FAM20A: variants seen among roughly 807,000 people sequenced by gnomAD.
FAM20A encodes the protein pseudokinase FAM20A.
In FAM20A, 42 loss-of-function variants were observed where a neutral mutation model predicts 52.0. That is an observed-to-expected ratio of 0.81 (90% CI 0.63 to 1.04). FAM20A has a LOEUF of 1.04. FAM20A is among the 50% of genes least tolerant of loss of function. The pLI is 0.00. For synonymous variants in FAM20A, 304 were observed against 298.9 expected (o/e 1.02, Z -0.18); for missense variants, 742 against 712.7 (o/e 1.04, Z -0.47).
chr17:68,567,035 G>A (rs1241528691), intron 1 of FAM20A, among the ~76,000 whole-genome samples: 1 of 151,998 alleles, frequency 6.6e-6, no homozygotes, highest in Non-Finnish European at 1.5e-5. Flanking sequence ...GCCTTGCTTT[G>A]GATGTGATTG....
At chr17:68,555,856 C>T (rs1282284116) in intron 1 of FAM20A, 113 bp from the exon 2 acceptor site, 4 of 1,251,836 alleles carry the variant, frequency 3.2e-6, no homozygotes, top group Non-Finnish European at 3.5e-6. Flanking sequence ...GTGTATTAAG[C>T]ATCTAATGAG....
chr17:68,558,888 A>G (rs1378058113), intron 1 of FAM20A, among the ~76,000 whole-genome samples: 2 of 152,256 alleles, frequency 1.3e-5, no homozygotes, highest in African/African-American at 2.4e-5. Flanking sequence ...CCTTCTGAGT[A>G]GCTGGGATTA....
At chr17:68,549,494 CAA>C (rs34993560) in intron 4 of FAM20A, among the ~76,000 whole-genome samples, 6 of 126,916 alleles carry the variant, frequency 4.7e-5, no homozygotes, top group Non-Finnish European at 5.1e-5. Context: ...AACTCCATCT[CAA>C]AAAAAAAAAA....
intron 1 of FAM20A, among the ~76,000 whole-genome samples, chr17:68,592,536 A>G (rs2088342178): frequency 6.6e-6 from 1 of 152,192 alleles, no homozygotes; most frequent in African/African-American, 2.4e-5. Flanking sequence ...GGTGTTGACG[A>G]TTGAAGGTAA....
At chr17:68,579,824 C>T (rs533755591) in intron 1 of FAM20A, among the ~76,000 whole-genome samples, 4 of 152,178 alleles carry the variant, frequency 2.6e-5, no homozygotes, top group East Asian at 1.9e-4. Context: ...CTTTGGGAAG[C>T]GACGCAGATC....
chr17:68,579,236 T>C (rs745849107), intron 1 of FAM20A, among the ~76,000 whole-genome samples: 5 of 152,170 alleles, frequency 3.3e-5, no homozygotes, highest in African/African-American at 1.2e-4. Flanking sequence ...GAAAGACTCA[T>C]TTTAGGCACC....
At chr17:68,553,293 T>C (rs1029052793) in intron 3 of FAM20A, among the ~76,000 whole-genome samples, 4 of 152,202 alleles carry the variant, frequency 2.6e-5, no homozygotes, top group Non-Finnish European at 4.4e-5. Flanking sequence ...CTCCTAGCCA[T>C]GCTTCCTGTT....
At chr17:68,571,904 GA>G (rs2087544447) in intron 1 of FAM20A, among the ~76,000 whole-genome samples, 1 of 148,532 alleles carries the variant, frequency 6.7e-6, no homozygotes, top group Non-Finnish European at 1.5e-5. Flanking sequence ...CTGGTGACTT[GA>G]AGGCTTTTTT....
chr17:68,584,419 A>C (rs1709129789), intron 1 of FAM20A, among the ~76,000 whole-genome samples: 2 of 152,228 alleles, frequency 1.3e-5, no homozygotes, highest in Admixed American at 1.3e-4. Context: ...ATACACAAAA[A>C]GGCATTAAGT....
chr17:68,542,542 G>C, intron 6 of FAM20A, 152 bp downstream of exon 6: 1 of 714,472 alleles, frequency 1.4e-6, no homozygotes, highest in South Asian at 1.5e-5. Context: ...TGGTCAGGCA[G>C]ACCATGGTGG....
intron 1 of FAM20A, among the ~76,000 whole-genome samples, chr17:68,592,125 C>G (rs2088330500): frequency 6.9e-6 from 1 of 144,368 alleles, no homozygotes; most frequent in Non-Finnish European, 1.6e-5. Flanking sequence ...AAAACTTCTG[C>G]AATGAAACTC....
intron 5 of FAM20A, among the ~76,000 whole-genome samples, chr17:68,543,344 C>T (rs1317731297): frequency 6.6e-6 from 1 of 152,152 alleles, no homozygotes; most frequent in Admixed American, 6.5e-5. Context: ...ATTCTCCTCG[C>T]TCTCAGATCA....
At chr17:68,562,837 G>A (rs2087254190) in intron 1 of FAM20A, among the ~76,000 whole-genome samples, 1 of 152,216 alleles carries the variant, frequency 6.6e-6, no homozygotes, top group Non-Finnish European at 1.5e-5. Flanking sequence ...TAGCAGAGAA[G>A]AGCTGTTTTC....
chr17:68,600,469 C>T lies in FAM20A; in HGVS notation c.198G>A (p.Thr66=). 1 of 1,607,664 alleles carries T rather than the reference C, an allele frequency of 6.2e-7. No individual in the cohort carries two copies. Among genetic ancestry groups the T allele is most frequent in the Non-Finnish European group, 8.5e-7 (1 of 1,177,374 alleles). Residue 66 remains threonine (T), a synonymous_variant, in exon 1 of 11, where the codon ACG becomes ACA. Transcript: ENST00000592554. This position sits in a 1 kb window ranked among gnomAD's most constrained non-coding sequence, Gnocchi z 6.2. ...DSAAAASDPG[T]IVHNFSRTEP... is the part of the protein sequence containing the mutation. Reference sequence around the variant, plus strand: ...CGGTTCGGGAAAAGTTGTGCACGATCGTGCCGGGGTCCGAGGCAGCTGCGG... The same window carrying T: ...CGGTTCGGGAAAAGTTGTGCACGATTGTGCCGGGGTCCGAGGCAGCTGCGG...
At chr17:68,540,032 T>C (rs2086219161) in intron 8 of FAM20A, 66 bp from the exon 9 acceptor site, 2 of 1,413,900 alleles carry the variant, frequency 1.4e-6, no homozygotes, top group African/African-American at 1.4e-5. Context: ...CTGACCTGAG[T>C]TCTCTCCAGG....
Position 68,600,121 on chromosome 17 carries a change from A to G in FAM20A, c.404+142T>C, listed in dbSNP as rs908844768. On this transcript the variant is annotated intron_variant, in intron 1 of 10. Transcript: ENST00000592554. The surrounding 1 kb of genome is among the most constrained non-coding windows in gnomAD (Gnocchi z 6.2). Reference sequence around the variant, plus strand: ...CTGGTGGGGTTCGGGTGGGGAACACACTCTAAGCCCAGCGCCAGGGCTGGA... The same window carrying G: ...CTGGTGGGGTTCGGGTGGGGAACACGCTCTAAGCCCAGCGCCAGGGCTGGA... The G allele has an allele frequency of 3.1e-6, 3 of 978,470 alleles. No homozygotes were observed. Among genetic ancestry groups the G allele is most frequent in the Non-Finnish European group, 2.9e-6 (2 of 680,928 alleles). The allele number at this position is 978,470 out of a possible 1,614,324, so 60.6% of individuals were successfully genotyped here.
chr17:68,537,616 A>G lies in FAM20A; in HGVS notation c.1487T>C (p.Leu496Pro). 3 of 1,613,776 alleles carry G rather than the reference A, an allele frequency of 1.9e-6. No individual in the cohort carries two copies. The highest frequency in any genetic ancestry group is 1.7e-6 in the Non-Finnish European group (2 of 1,179,858). Residue 496 changes from leucine (L) to proline (P), a missense_variant, in exon 11 of 11, where the codon CTT becomes CCT. Leu to Pro is a moderately conservative substitution (Grantham distance 98, BLOSUM62 -3). Coordinates refer to ENST00000592554, the MANE Select transcript of FAM20A (RefSeq NM_017565.4). This position sits in a 1 kb window ranked among gnomAD's most constrained non-coding sequence, Gnocchi z 4.2. ...LSPVLTEPHL[L>P]ALDRRLQTIL... is the part of the protein sequence containing the mutation. ...GGTTTGGAGCCTTCGATCCAGGGCAAGGAGGTGGGGTTCAGTGAGGACAGG... is the reference window on the plus strand; with the variant it reads ...GGTTTGGAGCCTTCGATCCAGGGCAGGGAGGTGGGGTTCAGTGAGGACAGG...
At chr17:68,576,255 C>A (rs558193445) in intron 1 of FAM20A, among the ~76,000 whole-genome samples, 58 of 152,284 alleles carry the variant, frequency 3.8e-4, no homozygotes, top group African/African-American at 1.3e-3. Context: ...TCTGCCAGCA[C>A]CTTTTATGAA....
Position 68,581,436 on chromosome 17 carries a change from T to TTTC in FAM20A, c.404+18826_404+18827insGAA, listed in dbSNP as rs1330365456. Reference sequence around the variant, plus strand: ...TTTCTTTTTCTCTTTTCTTTCTTTCTTTTCTTTTTTTCTTTTCTTTCTTTC... The same window carrying TTTC: ...TTTCTTTTTCTCTTTTCTTTCTTTCTTTCTTTCTTTTTTTCTTTTCTTTCTTTC... On this transcript the variant is annotated intron_variant, in intron 1 of 10. Transcript: ENST00000592554. 1.8e-3 allele frequency among the ~76,000 whole-genome samples: 177 copies of TTTC among 98,712 alleles called. 1 individual carries two copies. The highest frequency in any genetic ancestry group is 7.2e-3 in the African/African-American group (160 of 22,342). The allele number at this position is 98,712 out of a possible 152,430, so 64.8% of individuals were successfully genotyped here.
Sources: gnomAD v4.1 joint callset for allele counts (sites outside exome capture counted in the v4.1 genomes callset) on GRCh38, gnomAD v4.1.1 for gene constraint, Gnocchi (gnomAD v3.1) non-coding constraint, MANE v1.5 for transcripts, NCBI Gene and HGNC (gene_info 2026-07-23, HGNC 2026-07-21) for gene names.